DAPK3: variants seen among roughly 807,000 people sequenced by gnomAD.
DAPK3 encodes death associated protein kinase 3.
A neutral mutation model predicts 30.6 loss-of-function variants in DAPK3; 24 were observed. The ratio of observed to expected loss-of-function variants is 0.78; its 90% CI spans 0.57 to 1.10. The LOEUF (loss-of-function observed/expected upper bound fraction) is 1.10, where lower values mean the gene tolerates loss of function less well. Ranked by LOEUF, DAPK3 falls within the 50% of genes least tolerant of loss-of-function variation. The probability of loss-of-function intolerance (pLI) is 0.00; values close to 1 mark genes in which losing one functional copy is unlikely to be tolerated. For missense variants in DAPK3, 629 were observed against 657.3 expected (o/e 0.96, Z 0.47); for synonymous variants, 341 against 284.0 (o/e 1.20, Z -2.02).
intron 2 of DAPK3, among the ~76,000 whole-genome samples, chr19:3,966,487 G>T (rs2039578443): frequency 6.6e-6 from 1 of 152,208 alleles, no homozygotes; most frequent in South Asian, 2.1e-4. Context: ...TCCCTCTGCT[G>T]GGCTTGGATC....
chr19:3,966,765 G>T (rs905988719), intron 2 of DAPK3, among the ~76,000 whole-genome samples: 1 of 152,168 alleles, frequency 6.6e-6, no homozygotes, highest in African/African-American at 2.4e-5. Context: ...TTTTGCTATT[G>T]CCAACCAGAT....
Position 3,961,028 on chromosome 19 carries a change from G to A in DAPK3, c.763C>T (p.Leu255=). Residue 255 remains leucine, a synonymous_variant, in exon 7 of 9, where the codon CTG becomes TTG. Transcript: ENST00000545797. ...SELAKDFIRR[L]LVKDPKRRMT... ...TCGTACTTGGGATCTTTGACGAGCA[G>A]CCGGCGAATGAAGTCCTTGGCCAGC... is the stretch of plus-strand genomic sequence containing the variant. 1 of 1,613,746 alleles carries A rather than the reference G, an allele frequency of 6.2e-7. No homozygotes were observed. Among genetic ancestry groups the A allele is most frequent in the Non-Finnish European group, 8.5e-7 (1 of 1,179,930 alleles).
At position 3,964,641 on chromosome 19, in the gene DAPK3, A is replaced by G; in HGVS notation, c.413T>C (p.Phe138Ser). The G allele has an allele frequency of 6.2e-7, 1 of 1,607,596 alleles. No homozygotes were observed. The highest frequency in any genetic ancestry group is 8.5e-7 in the Non-Finnish European group (1 of 1,177,004). The change falls in exon 3 of 9, where the codon TTT (phenylalanine) becomes TCT (serine). Residue 138 changes from phenylalanine (F) to serine (S), a missense_variant. By Grantham distance (155) the Phe-to-Ser change is radical. Around this residue, in one of 2 missense-constraint regions of DAPK3, gnomAD observed 306 missense variants for 378.5 expected, o/e 0.81. Coordinates refer to ENST00000545797, the MANE Select transcript of DAPK3 (RefSeq NM_001348.3). Reference sequence around the variant, plus strand: ...CCCTACAGGGCTCACCTTCAGGTCAAAGTGTGCGATGCGCTTAGAGTGCAG... The same window carrying G: ...CCCTACAGGGCTCACCTTCAGGTCAGAGTGTGCGATGCGCTTAGAGTGCAG... ...HYLHSKRIAH[F>S]DLKPENIMLL... is the part of the protein sequence containing the mutation.
chr19:3,959,923 G>A, intron 8 of DAPK3, 136 bp downstream of exon 8: 1 of 721,616 alleles, frequency 1.4e-6, no homozygotes, highest in Non-Finnish European at 2.5e-6. Flanking sequence ...CGCCACACAG[G>A]CTCACTCCTC....
Position 3,970,414 on chromosome 19 carries a change from A to C in DAPK3, c.-95+507T>G, listed in dbSNP as rs576324113. ...TGCTGCCATTCCGATCAAAATTCCC[A>C]AGTTACTACCTTAACCCCTCCTGGT... On this transcript the variant is annotated intron_variant, in intron 1 of 8. Transcript: ENST00000545797. Among the ~76,000 whole-genome samples, 5 of 152,034 alleles carry C rather than the reference A, an allele frequency of 3.3e-5. No homozygotes were observed. In the East Asian group the frequency reaches 5.8e-4, roughly 18 times the overall value.
chr19:3,964,718 C>G lies in DAPK3; in HGVS notation c.336G>C (p.Thr112=), dbSNP rs778180373. The change falls in exon 3 of 9, where the codon ACG becomes ACC. Residue 112 remains threonine (T), a synonymous_variant. Coordinates refer to ENST00000545797, the MANE Select transcript of DAPK3 (RefSeq NM_001348.3). ...FDFLAEKESL[T]EDEATQFLKQ... Reference sequence around the variant, plus strand: ...TGAGGAACTGGGTGGCCTCGTCCTCCGTCAGCGACTCCTTCTCCGCCAGGA... The same window carrying G: ...TGAGGAACTGGGTGGCCTCGTCCTCGGTCAGCGACTCCTTCTCCGCCAGGA... 1.2e-6 allele frequency: 2 copies of G among 1,612,770 alleles called. No individual in the cohort carries two copies. Among genetic ancestry groups the G allele is most frequent in the South Asian group, 2.2e-5 (2 of 91,034 alleles).
chr19:3,965,191 C>T (rs747939162), intron 2 of DAPK3, among the ~76,000 whole-genome samples, 200 bp from the exon 3 acceptor site: 12 of 152,222 alleles, frequency 7.9e-5, no homozygotes, highest in African/African-American at 1.2e-4. Flanking sequence ...CACCATCAGA[C>T]GCGGCGTTCC....
chr19:3,959,201 G>A lies in DAPK3; in HGVS notation c.1265C>T (p.Ala422Val), dbSNP rs750281566. 12 of 1,599,506 alleles carry A rather than the reference G, an allele frequency of 7.5e-6. No homozygotes were observed. The South Asian group carries it at 1.0e-4, about 13-fold the overall frequency. ...RFSRLENRYE[A>V]LAKQVASEMR... ...CTCGGAGGCTACTTGCTTGGCCAGC[G>A]CCTCGTAGCGGTTCTCCAGGCGGCT... Residue 422 changes from alanine to valine, a missense_variant, in exon 9 of 9, where the codon GCG becomes GTG. Physicochemically the swap from Ala to Val is moderately conservative, Grantham distance 64 (BLOSUM62 0). This residue lies in a region of DAPK3 where 323 missense variants were observed against 278.8 expected (regional missense o/e 1.16). Transcript: ENST00000545797.
chr19:3,964,921 T>C lies in DAPK3; in HGVS notation c.133A>G (p.Lys45Glu), dbSNP rs2039560723. Residue 45 changes from lysine (K) to glutamate (E), a missense_variant, in exon 3 of 9, where the codon AAG becomes GAG. Physicochemically the swap from Lys to Glu is moderately conservative, Grantham distance 56. Around this residue, in one of 2 missense-constraint regions of DAPK3, gnomAD observed 306 missense variants for 378.5 expected, o/e 0.81. Coordinates refer to ENST00000545797, the MANE Select transcript of DAPK3 (RefSeq NM_001348.3). ...CGGCTGGATGACAGGCGGCGCTTCT[T>C]GATGAACTTGGCTGCGTACTCCTTG... ...TGKEYAAKFI[K>E]KRRLSSSRRG... The C allele has an allele frequency of 6.2e-7, 1 of 1,612,394 alleles. No homozygotes were observed. The highest frequency in any genetic ancestry group is 8.5e-7 in the Non-Finnish European group (1 of 1,178,756).
Position 3,964,253 on chromosome 19 carries a change from C to T in DAPK3, c.544G>A (p.Glu182Lys). The change falls in exon 4 of 9, where the codon GAG becomes AAG. Residue 182 changes from glutamate to lysine, a missense_variant. Around this residue, in one of 2 missense-constraint regions of DAPK3, gnomAD observed 306 missense variants for 378.5 expected, o/e 0.81. Coordinates refer to ENST00000545797, the MANE Select transcript of DAPK3 (RefSeq NM_001348.3). Reference sequence around the variant, plus strand: ...CTGGGCAGGGCCTCACCCACAAACTCCGGGGTGCCGAAGATGTTCTTGAAC... The same window carrying T: ...CTGGGCAGGGCCTCACCCACAAACTTCGGGGTGCCGAAGATGTTCTTGAAC... ...NEFKNIFGTP[E>K]FVAPEIVNYE... 1 of 1,612,076 alleles carries T rather than the reference C, an allele frequency of 6.2e-7. No homozygotes were observed. Among genetic ancestry groups the T allele is most frequent in the Non-Finnish European group, 8.5e-7 (1 of 1,178,684 alleles).
Position 3,964,841 on chromosome 19 carries a change from G to T in DAPK3, c.213C>A (p.Ile71=), listed in dbSNP as rs770847164. The change falls in exon 3 of 9, where the codon ATC becomes ATA. Residue 71 remains isoleucine (I), a synonymous_variant. Coordinates refer to ENST00000545797, the MANE Select transcript of DAPK3 (RefSeq NM_001348.3). ...GCAGGGTGATGATGTTGGGGTGCCG[G>T]ATCTCCCGCAGGATGTTCACCTCCC... ...IEREVNILRE[I]RHPNIITLHD... 1.9e-6 allele frequency: 3 copies of T among 1,613,008 alleles called. No homozygotes were observed. The highest frequency in any genetic ancestry group is 2.5e-6 in the Non-Finnish European group (3 of 1,179,354).
At chr19:3,964,030 T>A in intron 4 of DAPK3, 111 bp from the exon 5 acceptor site, 2 of 847,272 alleles carry the variant, frequency 2.4e-6, no homozygotes, top group Non-Finnish European at 3.9e-6. Flanking sequence ...CTTGGGGGCA[T>A]GAATGCGGCA....
At chr19:3,964,438 CAA>C (rs2039553455) in intron 3 of DAPK3, 65 bp from the exon 4 acceptor site, 2 of 1,392,882 alleles carry the variant, frequency 1.4e-6, no homozygotes, top group Non-Finnish European at 9.8e-7. Flanking sequence ...CCACGCTCCC[CAA>C]ACCTCACCCT....
intron 4 of DAPK3, 60 bp downstream of exon 4, chr19:3,964,184 C>T: frequency 2.7e-6 from 4 of 1,464,384 alleles, no homozygotes; most frequent in South Asian, 1.3e-5. Flanking sequence ...ACCCCACGCA[C>T]AGCAGGCAGC....
chr19:3,959,227 G>C lies in DAPK3; in HGVS notation c.1239C>G (p.Phe413Leu). 1 of 1,600,784 alleles carries C rather than the reference G, an allele frequency of 6.2e-7. No homozygotes were observed. Among genetic ancestry groups the C allele is most frequent in the Non-Finnish European group, 8.5e-7 (1 of 1,178,222 alleles). Residue 413 changes from phenylalanine to leucine, a missense_variant, in exon 9 of 9, where the codon TTC becomes TTG. Coordinates refer to ENST00000545797, the MANE Select transcript of DAPK3 (RefSeq NM_001348.3). ...LLGTSGLKRR[F>L]SRLENRYEAL... ...CCTCGTAGCGGTTCTCCAGGCGGCT[G>C]AAGCGGCGCTTGAGGCCGCTGGTCC...
At chr19:3,968,414 G>A (rs2039600462) in intron 2 of DAPK3, among the ~76,000 whole-genome samples, 2 of 151,972 alleles carry the variant, frequency 1.3e-5, no homozygotes, top group Non-Finnish European at 2.9e-5. Context: ...GGCCGAGGCT[G>A]CAATGAGTCG....
chr19:3,964,288 GC>G lies in DAPK3; in HGVS notation c.508del (p.Ala170ArgfsTer20). On this transcript the variant is annotated frameshift_variant, in exon 4 of 9. Transcript: ENST00000545797. LOFTEE classifies it high-confidence loss of function. Reference protein sequence around the residue: ...IDFGIAHKIEAGNEFKNIFGT... With the variant: ...IDFGIAHKIEXGNEFKNIFGT... Reference sequence around the variant, plus strand: ...GAAGATGTTCTTGAACTCGTTCCCCGCCTCGATCTTGTGCGCGATGCCGAAG... The same window carrying G: ...GAAGATGTTCTTGAACTCGTTCCCCGCTCGATCTTGTGCGCGATGCCGAAG... The G allele has an allele frequency of 6.2e-7, 1 of 1,613,368 alleles. No individual in the cohort carries two copies. The highest frequency in any genetic ancestry group is 8.5e-7 in the Non-Finnish European group (1 of 1,179,372).
At chr19:3,969,051 C>T (rs1374524663) in intron 2 of DAPK3, among the ~76,000 whole-genome samples, 8 of 152,190 alleles carry the variant, frequency 5.3e-5, no homozygotes, top group African/African-American at 9.7e-5. Context: ...CTGGGAGACA[C>T]GCCCCTCCCT....
chr19:3,964,963 GGCACTTCC>G lies in DAPK3; in HGVS notation c.83_90del (p.Arg28ProfsTer73). 6.2e-7 allele frequency: 1 copy of G among 1,609,728 alleles called. No individual in the cohort carries two copies. On this transcript the variant is annotated frameshift_variant, in exon 3 of 9. Transcript: ENST00000545797. LOFTEE classifies it high-confidence loss of function. ...TACTCCTTGCCCGTGCCCTTCTGCC[GGCACTTCC>G]GCACGATCGCAAACTGGCCGCTGGA...
Sources: allele counts gnomAD v4.1 joint callset (sites outside exome capture counted in the v4.1 genomes callset), GRCh38; gene constraint gnomAD v4.1.1; regional missense constraint gnomAD v4.1.1; transcripts MANE v1.5; gene names NCBI Gene and HGNC (gene_info 2026-07-23, HGNC 2026-07-21).